Variants in OSTN observed in about 807,000 individuals in gnomAD.
OSTN encodes the protein osteocrin.
In OSTN, 9 loss-of-function variants were observed where a neutral mutation model predicts 12.0. The observed-to-expected ratio is 0.75, with a 90% CI of 0.45 to 1.30. OSTN has a LOEUF of 1.30. OSTN is among the 50% of genes most tolerant of loss of function. OSTN has a pLI of 0.00. For synonymous variants in OSTN, 59 were observed against 56.9 expected, an observed-to-expected ratio of 1.04 and a Z score of -0.16; for missense variants, 148 against 152.3, an observed-to-expected ratio of 0.97 and a Z score of 0.15.
intron 3 of OSTN, among the ~76,000 whole-genome samples, chr3:191,230,895 T>A (rs1560119225): frequency 6.6e-6 from 1 of 152,322 alleles, no homozygotes; most frequent in Middle Eastern, 3.4e-3. Context: ...TTTCTCTCCT[T>A]TACCTTCACC....
chr3:191,235,039 ATTG>A (rs1715154760), intron 3 of OSTN, among the ~76,000 whole-genome samples: 1 of 152,178 alleles, frequency 6.6e-6, no homozygotes, highest in Non-Finnish European at 1.5e-5. Flanking sequence ...GCTCCAGAAT[ATTG>A]TTATTATACC....
chr3:191,204,000 G>C (rs1366586229), intron 1 of OSTN, among the ~76,000 whole-genome samples: 2 of 152,142 alleles, frequency 1.3e-5, no homozygotes, highest in Non-Finnish European at 2.9e-5. Context: ...CGATTCTCCT[G>C]CCTCAGCCTC....
At chr3:191,234,719 A>G (rs62288507) in intron 3 of OSTN, 1 of 150,360 alleles carries the variant, frequency 6.7e-6, no homozygotes, top group African/African-American at 2.5e-5. Context: ...AAAAAAGCAA[A>G]GCACAAAAAG....
At chr3:191,258,328 C>A (rs1215831964) in intron 4 of OSTN, among the ~76,000 whole-genome samples, 3 of 152,044 alleles carry the variant, frequency 2.0e-5, no homozygotes, top group Non-Finnish European at 2.9e-5. Flanking sequence ...ACAAGGCTAA[C>A]AAAGTATTTT....
At chr3:191,261,091 C>G (rs537474541) in intron 4 of OSTN, among the ~76,000 whole-genome samples, 1 of 152,236 alleles carries the variant, frequency 6.6e-6, no homozygotes, top group South Asian at 2.1e-4. Context: ...CAGATTAGGT[C>G]TTGGGTTCTC....
intron 3 of OSTN, among the ~76,000 whole-genome samples, chr3:191,224,856 T>G (rs1247070765): frequency 1.3e-5 from 2 of 151,976 alleles, no homozygotes; most frequent in Non-Finnish European, 2.9e-5. Flanking sequence ...AAGAAAATAT[T>G]AGATACAAAC....
At chr3:191,229,919 A>C (rs900312543) in intron 3 of OSTN, 15 of 151,974 alleles carry the variant, frequency 9.9e-5, no homozygotes, top group African/African-American at 3.6e-4. Context: ...ACAAAAAATT[A>C]GCTGGGCATG....
At chr3:191,200,815 C>G (rs1714135985) in intron 1 of OSTN, among the ~76,000 whole-genome samples, 1 of 152,178 alleles carries the variant, frequency 6.6e-6, no homozygotes, top group Admixed American at 6.5e-5. Context: ...ATTTCATTTA[C>G]TATGACTGTT....
intron 3 of OSTN, among the ~76,000 whole-genome samples, chr3:191,232,005 T>A (rs944984854): frequency 2.6e-5 from 4 of 151,980 alleles, no homozygotes; most frequent in African/African-American, 9.6e-5. Flanking sequence ...TATTTATTAA[T>A]ACCTAAAATA....
chr3:191,231,043 A>T (rs991406157), intron 3 of OSTN, among the ~76,000 whole-genome samples: 1 of 152,092 alleles, frequency 6.6e-6, no homozygotes, highest in African/African-American at 2.4e-5. Context: ...TTTATAGTTG[A>T]TAATTTATGC....
intron 1 of OSTN, among the ~76,000 whole-genome samples, chr3:191,204,973 G>A (rs1363236527): frequency 6.6e-6 from 1 of 152,062 alleles, no homozygotes; most frequent in Non-Finnish European, 1.5e-5. Flanking sequence ...TCAAATTATA[G>A]TTTACAAAGT....
chr3:191,260,413 A>G (rs1285470693), intron 4 of OSTN, among the ~76,000 whole-genome samples: 2 of 152,076 alleles, frequency 1.3e-5, no homozygotes, highest in East Asian at 3.9e-4. Context: ...AAACAGGCTA[A>G]GAGAGCAAAA....
rs1245835647 is a variant in OSTN, at chr3:191,263,346, T to C, written c.*493T>C. Reference sequence around the variant, plus strand: ...TTCCAAGAGTCTGATCGGTAATAATTATGAAATTAGGCTTCTCTTTTCATA... The same window carrying C: ...TTCCAAGAGTCTGATCGGTAATAATCATGAAATTAGGCTTCTCTTTTCATA... On this transcript the variant is annotated 3_prime_UTR_variant, in exon 5 of 5. Transcript: ENST00000682035. 6.6e-6 allele frequency: 1 copy of C among 152,620 alleles called. No homozygotes were observed. The highest frequency in any genetic ancestry group is 1.5e-5 in the Non-Finnish European group (1 of 68,346). 9.5% of individuals were successfully genotyped at this position (152,620 alleles called of 1,614,324 possible).
chr3:191,236,968 T>C (rs73890439), intron 3 of OSTN, among the ~76,000 whole-genome samples: 1,764 of 152,268 alleles, frequency 0.012, 43 homozygotes, highest in African/African-American at 0.041. Context: ...TATGTTGATA[T>C]AAATTACATG....
chr3:191,259,503 T>C (rs913940118), intron 4 of OSTN, among the ~76,000 whole-genome samples: 1 of 151,300 alleles, frequency 6.6e-6, no homozygotes, highest in African/African-American at 2.4e-5. Context: ...GCCTGGATTT[T>C]TTTTTTTAAC....
chr3:191,213,495 A>T (rs1560114382), intron 2 of OSTN, among the ~76,000 whole-genome samples: 1 of 152,164 alleles, frequency 6.6e-6, no homozygotes, highest in Non-Finnish European at 1.5e-5. Flanking sequence ...GCTATATTTA[A>T]TTGAATCAGT....
intron 4 of OSTN, among the ~76,000 whole-genome samples, chr3:191,250,481 C>A (rs950820354): frequency 1.3e-5 from 2 of 151,974 alleles, no homozygotes; most frequent in African/African-American, 2.4e-5. Flanking sequence ...AAAATCCTTG[C>A]GTTATGAAGA....
At chr3:191,261,340 T>G (rs1715805532) in intron 4 of OSTN, among the ~76,000 whole-genome samples, 1 of 152,204 alleles carries the variant, frequency 6.6e-6, no homozygotes, top group Non-Finnish European at 1.5e-5. Context: ...GTATATTATC[T>G]TGAGGTTACA....
chr3:191,246,905 A>G (rs577176552), intron 3 of OSTN, among the ~76,000 whole-genome samples: 40 of 152,338 alleles, frequency 2.6e-4, no homozygotes, highest in African/African-American at 7.9e-4. Flanking sequence ...GTGATTAGCA[A>G]CTTTTATAGA....
Sources: gnomAD v4.1 joint callset for allele counts (sites outside exome capture counted in the v4.1 genomes callset) on GRCh38, gnomAD v4.1.1 for gene constraint, MANE v1.5 for transcripts, NCBI Gene and HGNC (gene_info 2026-07-23, HGNC 2026-07-21) for gene names.